SBF2: variants seen among roughly 807,000 people sequenced by gnomAD.
SBF2 encodes the protein myotubularin-related protein 13.
Under a neutral mutation model 225.2 loss-of-function variants are expected in SBF2, and 112 were observed. The observed-to-expected ratio is 0.50, with a 90% CI of 0.43 to 0.58. The LOEUF is 0.58. SBF2 is among the 20% of genes least tolerant of loss of function. The pLI, the probability that SBF2 is intolerant of heterozygous loss-of-function variation, is 0.00. For missense variants in SBF2, 1,996 were observed against 2,206.2 expected, an observed-to-expected ratio of 0.90 and a Z score of 1.91; for synonymous variants, 763 against 773.3, an observed-to-expected ratio of 0.99 and a Z score of 0.22.
intron 1 of SBF2, among the ~76,000 whole-genome samples, chr11:10,230,767 T>C (rs1347593230): frequency 1.3e-5 from 2 of 152,190 alleles, no homozygotes; most frequent in African/African-American, 4.8e-5. Flanking sequence ...TCAACTTTGG[T>C]GAATCTGACA....
intron 6 of SBF2, among the ~76,000 whole-genome samples, chr11:10,011,950 T>C (rs918669450): frequency 5.3e-5 from 8 of 152,242 alleles, no homozygotes; most frequent in Admixed American, 2.6e-4. Context: ...ATCACCCCCA[T>C]ATGCATCCAA....
At chr11:10,154,939 A>G (rs574316687) in intron 2 of SBF2, among the ~76,000 whole-genome samples, 65 of 152,290 alleles carry the variant, frequency 4.3e-4, no homozygotes, top group African/African-American at 1.5e-3. Flanking sequence ...TCAGAAACTG[A>G]TTTAAGTTAA....
At chr11:9,968,734 T>C (rs1223498916) in intron 13 of SBF2, among the ~76,000 whole-genome samples, 189 bp from the exon 14 acceptor site, 1 of 152,206 alleles carries the variant, frequency 6.6e-6, no homozygotes, top group East Asian at 1.9e-4. Context: ...CTGATACAGC[T>C]TGGCATCTGT....
chr11:9,988,950 A>G (rs970615086), intron 13 of SBF2, among the ~76,000 whole-genome samples: 1 of 152,154 alleles, frequency 6.6e-6, no homozygotes, highest in African/African-American at 2.4e-5. Flanking sequence ...ATACTTGCAC[A>G]TGCATGTTTA....
intron 1 of SBF2, among the ~76,000 whole-genome samples, chr11:10,205,966 A>G (rs894330735): frequency 6.6e-6 from 1 of 151,988 alleles, no homozygotes; most frequent in Non-Finnish European, 1.5e-5. Flanking sequence ...TGGGGTAGTC[A>G]GAGGACACCA....
chr11:9,915,283 C>T (rs1204399054), intron 16 of SBF2, among the ~76,000 whole-genome samples: 3 of 151,894 alleles, frequency 2.0e-5, no homozygotes, highest in Non-Finnish European at 4.4e-5. Context: ...CCTATCTCTA[C>T]TAAAAATACA....
intron 16 of SBF2, among the ~76,000 whole-genome samples, chr11:9,926,604 G>A (rs550755797): frequency 7.9e-5 from 12 of 152,124 alleles, no homozygotes; most frequent in South Asian, 2.1e-4. Flanking sequence ...AAAGATCCAC[G>A]CAAAGAGTAT....
At chr11:9,940,937 A>G (rs904119156) in intron 16 of SBF2, among the ~76,000 whole-genome samples, 3 of 152,208 alleles carry the variant, frequency 2.0e-5, no homozygotes, top group Non-Finnish European at 2.9e-5. Context: ...GCCACTAATC[A>G]GTAGACATGT....
intron 16 of SBF2, among the ~76,000 whole-genome samples, chr11:9,896,713 C>T (rs1396447884): frequency 6.8e-6 from 1 of 146,892 alleles, no homozygotes; most frequent in African/African-American, 2.5e-5. Flanking sequence ...CGCTTGAACC[C>T]GGGAGGTGGA....
At chr11:10,011,717 C>T (rs928495919) in intron 6 of SBF2, among the ~76,000 whole-genome samples, 4 of 152,092 alleles carry the variant, frequency 2.6e-5, no homozygotes, top group Admixed American at 2.0e-4. Context: ...TTGAGAGACC[C>T]GCTGCAATAA....
intron 2 of SBF2, among the ~76,000 whole-genome samples, chr11:10,131,945 G>A (rs1025028087): frequency 1.3e-5 from 2 of 152,060 alleles, no homozygotes; most frequent in Non-Finnish European, 2.9e-5. Context: ...TAGTTCCAAA[G>A]ATGTTCTATG....
At chr11:10,038,792 T>C (rs1590813751) in intron 3 of SBF2, among the ~76,000 whole-genome samples, 1 of 151,818 alleles carries the variant, frequency 6.6e-6, no homozygotes, top group Admixed American at 6.6e-5. Flanking sequence ...AACTGCATAA[T>C]TACCACTGAT....
chr11:9,839,070 T>G (rs1362242044), intron 26 of SBF2: 1 of 249,454 alleles, frequency 4.0e-6, no homozygotes, highest in East Asian at 1.0e-4. Context: ...GCGGCACAGT[T>G]GAATAGCTGC....
At chr11:9,959,144 A>C (rs1866391359) in intron 16 of SBF2, 1 of 921,642 alleles carries the variant, frequency 1.1e-6, no homozygotes, top group Non-Finnish European at 1.8e-6. Context: ...AAGATGAAAC[A>C]GGTCACCCAG....
intron 1 of SBF2, among the ~76,000 whole-genome samples, chr11:10,242,167 A>C (rs1162194475): frequency 1.3e-5 from 2 of 152,174 alleles, no homozygotes; most frequent in East Asian, 2.0e-4. Context: ...CTACCCACAA[A>C]AATGTGCTGA....
chr11:10,137,729 G>A (rs1049684603), intron 2 of SBF2, among the ~76,000 whole-genome samples: 14 of 152,178 alleles, frequency 9.2e-5, no homozygotes, highest in South Asian at 6.2e-4. Flanking sequence ...AATTGAGGCC[G>A]GGCGCGGTGG....
intron 2 of SBF2, among the ~76,000 whole-genome samples, chr11:10,075,637 T>G (rs1365678050): frequency 6.6e-6 from 1 of 152,192 alleles, no homozygotes; most frequent in Non-Finnish European, 1.5e-5. Flanking sequence ...TGCCACCATG[T>G]GAAAACATGC....
chr11:9,829,296 A>AG (rs1158639865), intron 28 of SBF2, 60 bp downstream of exon 28: 1 of 1,550,632 alleles, frequency 6.4e-7, no homozygotes, highest in African/African-American at 1.4e-5. Context: ...AAATAACCCT[A>AG]GGAACAGAAC....
chr11:10,015,965 T>TG (rs766825390), intron 6 of SBF2, among the ~76,000 whole-genome samples: 4 of 152,028 alleles, frequency 2.6e-5, no homozygotes, highest in Non-Finnish European at 4.4e-5. Context: ...TTAGTAGAGA[T>TG]GGGGTCCCAC....
Sources: gnomAD v4.1 joint callset for allele counts (sites outside exome capture counted in the v4.1 genomes callset) on GRCh38, gnomAD v4.1.1 for gene constraint, MANE v1.5 for transcripts, NCBI Gene and HGNC (gene_info 2026-07-23, HGNC 2026-07-21) for gene names.